The following CRYBG1 variants were observed in gnomAD, a reference collection of about 807,000 sequenced individuals.
CRYBG1 encodes crystallin beta-gamma domain containing 1, also known as beta/gamma crystallin domain-containing protein 1.
A neutral mutation model predicts 189.2 loss-of-function variants in CRYBG1; 139 were observed. The observed-to-expected ratio is 0.73, with a 90% CI of 0.64 to 0.85. The LOEUF (loss-of-function observed/expected upper bound fraction) is 0.85, where lower values mean the gene tolerates loss of function less well. CRYBG1 is among the 40% of genes least tolerant of loss of function. CRYBG1 has a pLI of 0.00. For missense variants in CRYBG1, 2,611 were observed against 2,675.8 expected, an observed-to-expected ratio of 0.98 and a Z score of 0.53; for synonymous variants, 1,023 against 1,017.1, an observed-to-expected ratio of 1.01 and a Z score of -0.11.
At chr6:106,521,863 C>T (rs1004127390) in intron 4 of CRYBG1, among the ~76,000 whole-genome samples, 2 of 151,832 alleles carry the variant, frequency 1.3e-5, no homozygotes, top group South Asian at 2.1e-4. Flanking sequence ...GGAATGCAGG[C>T]GCGTGCCACC....
chr6:106,416,461 T>G (rs956702066), intron 1 of CRYBG1, among the ~76,000 whole-genome samples: 2 of 152,226 alleles, frequency 1.3e-5, no homozygotes, highest in South Asian at 2.1e-4. Flanking sequence ...ATTTCTAGTT[T>G]CATTTTATAT....
chr6:106,420,878 A>G (rs1771110125), intron 1 of CRYBG1: 1 of 152,398 alleles, frequency 6.6e-6, no homozygotes, highest in Admixed American at 6.5e-5. Context: ...TCTATTTTCT[A>G]GTACTTCCAT....
chr6:106,539,649 G>C, intron 9 of CRYBG1, 120 bp downstream of exon 9: 1 of 1,105,586 alleles, frequency 9.0e-7, no homozygotes, highest in Non-Finnish European at 1.3e-6. Flanking sequence ...TAGTAGATTG[G>C]ACCTATTGCT....
At chr6:106,478,801 G>A (rs113790315) in intron 2 of CRYBG1, among the ~76,000 whole-genome samples, 16,136 of 152,180 alleles carry the variant, frequency 0.11, 1,023 homozygotes, top group Non-Finnish European at 0.14. Context: ...GATCAGTGGC[G>A]GCATTAGATT....
In CRYBG1 at chr6:106,560,157, A is replaced by G. The variant is rs538652384; in HGVS notation, c.5856-646A>G. Among the ~76,000 whole-genome samples, 82 of 152,280 alleles carry G rather than the reference A, an allele frequency of 5.4e-4. 3 individuals are homozygous for G. In the South Asian group the frequency reaches 0.017, roughly 31 times the overall value. ...GGTGATTTTTTTGCAGTAGGTTTTA[A>G]TATTTTGTTTTTATGATAAGATGAC... On this transcript the variant is annotated intron_variant, in intron 18 of 21. Transcript: ENST00000633556.
chr6:106,382,965 G>T (rs1359229166), intron 1 of CRYBG1, among the ~76,000 whole-genome samples: 2 of 152,098 alleles, frequency 1.3e-5, no homozygotes, highest in African/African-American at 4.8e-5. Context: ...CAAAATTATT[G>T]ATATCTAAGT....
At chr6:106,539,355 CA>C (rs1562110655) in intron 8 of CRYBG1, 47 bp from the exon 9 acceptor site, 1 of 1,603,344 alleles carries the variant, frequency 6.2e-7, no homozygotes, top group Non-Finnish European at 8.5e-7. Flanking sequence ...AAAACTGAAA[CA>C]AATGATGAGT....
At chr6:106,544,960 T>C (rs745573641) in intron 13 of CRYBG1, 27 bp downstream of exon 13, 1 of 1,583,146 alleles carries the variant, frequency 6.3e-7, no homozygotes, top group East Asian at 2.2e-5. Context: ...AGTTGGAATT[T>C]TAAACATGCG....
chr6:106,479,808 T>A (rs988702626), intron 2 of CRYBG1, among the ~76,000 whole-genome samples: 6 of 152,268 alleles, frequency 3.9e-5, no homozygotes, highest in African/African-American at 1.4e-4. Flanking sequence ...AAGTTCTGTA[T>A]GCTAGACCCC....
intron 4 of CRYBG1, among the ~76,000 whole-genome samples, chr6:106,523,234 G>T (rs947841417): frequency 6.6e-6 from 1 of 152,106 alleles, no homozygotes; most frequent in Non-Finnish European, 1.5e-5. Flanking sequence ...CACATTTTGA[G>T]AACCACTGCT....
chr6:106,475,121 T>C lies in CRYBG1; in HGVS notation c.312+23289T>C, dbSNP rs147049304. 7.0e-3 allele frequency among the ~76,000 whole-genome samples: 1,062 copies of C among 152,336 alleles called. 15 individuals are homozygous for C. The highest frequency in any genetic ancestry group is 0.025 in the African/African-American group (1,033 of 41,584). On this transcript the variant is annotated intron_variant, in intron 2 of 21. Coordinates refer to ENST00000633556, the MANE Select transcript of CRYBG1 (RefSeq NM_001371242.2). Reference sequence around the variant, plus strand: ...CCTAAAGATATATTCCATAAACTTTTAGGTGTTCAGAATAAATATATAAAA... The same window carrying C: ...CCTAAAGATATATTCCATAAACTTTCAGGTGTTCAGAATAAATATATAAAA...
chr6:106,549,556 T>C (rs1022011163), intron 13 of CRYBG1, among the ~76,000 whole-genome samples: 22 of 151,456 alleles, frequency 1.5e-4, no homozygotes, highest in Non-Finnish European at 3.1e-4. Context: ...CTGGCCAACA[T>C]GGTAAAATCC....
rs183369161 is a variant in CRYBG1 at position 106,530,671 on chromosome 6, G to A, written c.4718+356G>A. Among the ~76,000 whole-genome samples the A allele has an allele frequency of 2.0e-4, 31 of 152,296 alleles. No homozygotes were observed. The East Asian group carries it at 5.2e-3, about 26-fold the overall frequency. On this transcript the variant is annotated intron_variant, in intron 8 of 21. Coordinates refer to ENST00000633556, the MANE Select transcript of CRYBG1 (RefSeq NM_001371242.2). Reference sequence around the variant, plus strand: ...AGCACATGCCCCTGATATTTCTGGGGGGGGATGGAAGCCAACACACATGGT... The same window carrying A: ...AGCACATGCCCCTGATATTTCTGGGAGGGGATGGAAGCCAACACACATGGT...
chr6:106,444,467 C>T (rs1771626473), intron 1 of CRYBG1, among the ~76,000 whole-genome samples: 1 of 152,182 alleles, frequency 6.6e-6, no homozygotes, highest in South Asian at 2.1e-4. Flanking sequence ...CACAATTCTC[C>T]TGGTTGTTTG....
intron 2 of CRYBG1, among the ~76,000 whole-genome samples, chr6:106,495,028 T>C (rs1056746786): frequency 1.3e-5 from 2 of 152,240 alleles, no homozygotes; most frequent in Non-Finnish European, 2.9e-5. Context: ...ATTTAATGTA[T>C]GCAGGGCAAC....
Position 106,571,887 on chromosome 6 carries a change from T to G in CRYBG1, c.*3321T>G. 1.5e-6 allele frequency: 1 copy of G among 661,374 alleles called. No homozygotes were observed. The highest frequency in any genetic ancestry group is 2.7e-6 in the Non-Finnish European group (1 of 373,336). The allele number at this position is 661,374 out of a possible 1,614,324, so 41.0% of individuals were successfully genotyped here. On this transcript the variant is annotated 3_prime_UTR_variant, in exon 22 of 22. Coordinates refer to ENST00000633556, the MANE Select transcript of CRYBG1 (RefSeq NM_001371242.2). ...ATTTTTTAAAGCTTGTATCATGGAA[T>G]GTATAATCTAATCTGGAAAAATGTT...
rs1247770625 is a variant in CRYBG1 at position 106,519,893 on chromosome 6, C to G, written c.2685C>G (p.Ser895Arg). 6.2e-7 allele frequency: 1 copy of G among 1,614,178 alleles called. No homozygotes were observed. Among genetic ancestry groups the G allele is most frequent in the Non-Finnish European group, 8.5e-7 (1 of 1,180,030 alleles). Reference sequence around the variant, plus strand: ...ACACATGTGTTCAATCACCCATAAGCAGTTTCCCATGCACTGATCTAAAAG... The same window carrying G: ...ACACATGTGTTCAATCACCCATAAGGAGTTTCCCATGCACTGATCTAAAAG... Reference protein sequence around the residue: ...PKDTCVQSPISSFPCTDLKVS... With the variant: ...PKDTCVQSPIRSFPCTDLKVS... The change falls in exon 4 of 22, where the codon AGC becomes AGG. Residue 895 changes from serine (S) to arginine (R), a missense_variant. Ser to Arg is a moderately radical substitution (Grantham distance 110). This residue lies in a region of CRYBG1 where 1,622 missense variants were observed against 1,735.0 expected (regional missense o/e 0.93). Coordinates refer to ENST00000633556, the MANE Select transcript of CRYBG1 (RefSeq NM_001371242.2).
At chr6:106,411,621 G>A (rs1770928901) in intron 1 of CRYBG1, among the ~76,000 whole-genome samples, 1 of 152,178 alleles carries the variant, frequency 6.6e-6, no homozygotes, top group Non-Finnish European at 1.5e-5. Context: ...ATATATAAAA[G>A]TGAGTTTATT....
chr6:106,407,587 C>G (rs1424458620), intron 1 of CRYBG1, among the ~76,000 whole-genome samples: 3 of 152,148 alleles, frequency 2.0e-5, no homozygotes, highest in Admixed American at 6.6e-5. Context: ...CTTCTCAGCA[C>G]CACATCACAC....
Sources: allele counts gnomAD v4.1 joint callset (sites outside exome capture counted in the v4.1 genomes callset), GRCh38; gene constraint gnomAD v4.1.1; regional missense constraint gnomAD v4.1.1; transcripts MANE v1.5; gene names NCBI Gene and HGNC (gene_info 2026-07-23, HGNC 2026-07-21).